The following TRPM3 variants were observed in gnomAD, a reference collection of about 807,000 sequenced individuals.
TRPM3 encodes long transient receptor potential channel 3.
A neutral mutation model predicts 181.2 loss-of-function variants in TRPM3; 77 were observed. That is an observed-to-expected ratio of 0.42 (90% CI 0.35 to 0.51). TRPM3 has a LOEUF of 0.51. TRPM3 is among the 20% of genes least tolerant of loss of function. TRPM3 has a pLI of 0.01. For synonymous variants in TRPM3, 745 were observed against 796.4 expected, an observed-to-expected ratio of 0.94 and a Z score of 1.09; for missense variants, 1,759 against 2,196.7, an observed-to-expected ratio of 0.80 and a Z score of 3.98.
rs562968277 is a variant in TRPM3, at chr9:71,425,451, C to G, written c.183+21202G>C. Among the ~76,000 whole-genome samples, 288 of 152,186 alleles carry G rather than the reference C, an allele frequency of 1.9e-3. 3 individuals carry two copies. Among genetic ancestry groups the G allele is most frequent in the African/African-American group, 6.6e-3 (272 of 41,522 alleles). On this transcript the variant is annotated intron_variant, in intron 1 of 24. Transcript: ENST00000357533. ...CTGCTTAAGTCAGAAACATAGGACC[C>G]ATTCTTGATTCATGTGCCTCTCTTA...
At chr9:70,938,577 G>A (rs770893382) in intron 1 of TRPM3, among the ~76,000 whole-genome samples, 16 of 151,856 alleles carry the variant, frequency 1.1e-4, no homozygotes, top group South Asian at 4.2e-4. Context: ...CCCCCTTCTC[G>A]GCGTGAAACA....
chr9:71,313,929 T>C (rs1406640581), intron 1 of TRPM3, among the ~76,000 whole-genome samples: 2 of 152,176 alleles, frequency 1.3e-5, no homozygotes. Context: ...GCAGTTTTGT[T>C]TAGAATTTTT....
At position 70,654,686 on chromosome 9, in the gene TRPM3, G is replaced by GT. The variant is rs112874508; in HGVS notation, c.1346-14027dup. Among the ~76,000 whole-genome samples the GT allele has an allele frequency of 3.6e-3, 517 of 142,160 alleles. 3 individuals are homozygous for GT. The highest frequency in any genetic ancestry group is 0.021 in the Middle Eastern group (6 of 282). 93.3% of individuals were successfully genotyped at this position (142,160 alleles called of 152,430 possible). On this transcript the variant is annotated intron_variant, in intron 9 of 25. Coordinates refer to ENST00000677713, the MANE Select transcript of TRPM3 (RefSeq NM_001366145.2). ...ATGACCCCTTTTTAAGCACTCTGTA[G>GT]TTTTTTTTTTTTTTGAGGTGGAGTC...
At chr9:71,343,908 T>C (rs2091123746) in intron 1 of TRPM3, among the ~76,000 whole-genome samples, 1 of 152,130 alleles carries the variant, frequency 6.6e-6, no homozygotes. Context: ...GAATGGGGAC[T>C]CATCATGAAG....
At chr9:71,398,845 G>T (rs534925266) in intron 1 of TRPM3, among the ~76,000 whole-genome samples, 1 of 152,054 alleles carries the variant, frequency 6.6e-6, no homozygotes, top group African/African-American at 2.4e-5. Flanking sequence ...TTATGAACAG[G>T]CAATCGATAA....
intron 19 of TRPM3, among the ~76,000 whole-genome samples, chr9:70,605,455 A>T (rs62545473): frequency 0.14 from 16,650 of 116,578 alleles, 986 homozygotes; most frequent in Middle Eastern, 0.17. Flanking sequence ...CCCCACCCCC[A>T]CCCCCAGGGG....
rs1466264163 is a variant in TRPM3 at position 70,529,686 on chromosome 9, TTCCCCCCTC to T, written c.*6258_*6266del. On this transcript the variant is annotated 3_prime_UTR_variant, in exon 26 of 26. Transcript: ENST00000677713. The stretch of plus-strand genomic sequence containing the variant: ...TAACTCTGAATAAGGCGAGTTTCTT[TTCCCCCCTC>T]TCGGTTCTCAGTGTATTTTGTGTGT... 1.3e-5 allele frequency: 2 copies of T among 152,212 alleles called. No individual in the cohort carries two copies. Among genetic ancestry groups the T allele is most frequent in the Non-Finnish European group, 2.9e-5 (2 of 68,042 alleles). 9.4% of individuals were successfully genotyped at this position (152,212 alleles called of 1,614,324 possible).
At chr9:70,586,223 C>G (rs1198033008) in intron 22 of TRPM3, among the ~76,000 whole-genome samples, 2 of 152,212 alleles carry the variant, frequency 1.3e-5, no homozygotes, top group Non-Finnish European at 2.9e-5. Context: ...GAAGACAAAG[C>G]CTCCGTCACA....
At chr9:71,267,755 C>A (rs1055014440) in intron 1 of TRPM3, among the ~76,000 whole-genome samples, 1 of 152,166 alleles carries the variant, frequency 6.6e-6, no homozygotes, top group Non-Finnish European at 1.5e-5. Flanking sequence ...GTCACCTAAT[C>A]TAAATGCACA....
chr9:71,349,989 ATATATATATATATG>A (rs200563062), intron 1 of TRPM3, among the ~76,000 whole-genome samples: 2,835 of 26,168 alleles, frequency 0.11, 72 homozygotes, highest in East Asian at 0.23. Context: ...ATATATATAT[ATATATATATATATG>A]GGCCTAAAAA....
chr9:71,217,744 G>A (rs908444560), intron 1 of TRPM3, among the ~76,000 whole-genome samples: 7 of 152,138 alleles, frequency 4.6e-5, no homozygotes, highest in Admixed American at 2.0e-4. Context: ...ATCCACCGGG[G>A]AACCAACCAA....
At chr9:70,635,593 G>A (rs2057047565) in intron 11 of TRPM3, among the ~76,000 whole-genome samples, 1 of 150,944 alleles carries the variant, frequency 6.6e-6, no homozygotes, top group Non-Finnish European at 1.5e-5. Context: ...GGGACTACAG[G>A]TACACAACAC....
chr9:71,422,663 T>C (rs912466883), intron 1 of TRPM3, among the ~76,000 whole-genome samples: 1 of 152,040 alleles, frequency 6.6e-6, no homozygotes, highest in African/African-American at 2.4e-5. Context: ...CCAGGATTGC[T>C]AAATTAAAAA....
At chr9:71,362,002 G>A (rs1233302351) in intron 1 of TRPM3, among the ~76,000 whole-genome samples, 1 of 152,116 alleles carries the variant, frequency 6.6e-6, no homozygotes, top group East Asian at 1.9e-4. Flanking sequence ...GCAAGCCAGA[G>A]AACCAAGGCT....
chr9:70,567,107 T>C (rs1026926705), intron 22 of TRPM3, among the ~76,000 whole-genome samples: 2 of 152,196 alleles, frequency 1.3e-5, no homozygotes. Flanking sequence ...ACCTGCTGTG[T>C]CAAAGAACAA....
intron 1 of TRPM3, among the ~76,000 whole-genome samples, chr9:71,231,760 T>C (rs996181957): frequency 6.6e-6 from 1 of 152,100 alleles, no homozygotes; most frequent in African/African-American, 2.4e-5. Flanking sequence ...ATGGCAACAA[T>C]AGACACTGGG....
chr9:70,698,075 G>A (rs1003704460), intron 8 of TRPM3, among the ~76,000 whole-genome samples: 1 of 152,012 alleles, frequency 6.6e-6, no homozygotes, highest in Non-Finnish European at 1.5e-5. Context: ...AGGTGTGGTG[G>A]CATCAGCTTG....
chr9:70,578,895 C>T (rs529748410), intron 22 of TRPM3, among the ~76,000 whole-genome samples: 1 of 152,292 alleles, frequency 6.6e-6, no homozygotes, highest in South Asian at 2.1e-4. Context: ...AGGCAGCATT[C>T]CTGGCCTCTA....
At chr9:71,220,761 T>C (rs2080188857) in intron 1 of TRPM3, among the ~76,000 whole-genome samples, 1 of 152,042 alleles carries the variant, frequency 6.6e-6, no homozygotes, top group Admixed American at 6.6e-5. Context: ...ACCTGACAGA[T>C]ACAAAGTCTA....
Sources: gnomAD v4.1 joint callset for allele counts (sites outside exome capture counted in the v4.1 genomes callset) on GRCh38, gnomAD v4.1.1 for gene constraint, MANE v1.5 for transcripts, NCBI Gene and HGNC (gene_info 2026-07-23, HGNC 2026-07-21) for gene names.